The following LRBA variants were observed in gnomAD, a reference collection of about 807,000 sequenced individuals.
The protein encoded by LRBA is lipopolysaccharide-responsive and beige-like anchor protein.
A neutral mutation model predicts 330.0 loss-of-function variants in LRBA; 176 were observed. That is an observed-to-expected ratio of 0.53 (90% CI 0.47 to 0.60). The LOEUF is 0.60. Among genes scored for constraint, LRBA ranks in the 20% least tolerant of loss-of-function variants. The pLI is 0.00. For synonymous variants in LRBA, 1,230 were observed against 1,193.0 expected (o/e 1.03, Z -0.64); for missense variants, 3,259 against 3,444.8 (o/e 0.95, Z 1.35).
intron 2 of LRBA, among the ~76,000 whole-genome samples, chr4:150,976,474 T>C (rs942475065): frequency 1.3e-5 from 2 of 152,192 alleles, no homozygotes; most frequent in Admixed American, 1.3e-4. Flanking sequence ...ACAGATATAT[T>C]AACGTATAAA....
rs571232758 is a variant in LRBA, at chr4:150,804,747, A to C, written c.5518+1524T>G. 9.2e-5 allele frequency among the ~76,000 whole-genome samples: 14 copies of C among 152,260 alleles called. No individual in the cohort carries two copies. The East Asian group carries it at 2.7e-3, about 29-fold the overall frequency. ...GCCAGATTTAGCAACCACCTAATCCAAGCACTTTTGAATGCAAAAATTAAT... is the reference window on the plus strand; with the variant it reads ...GCCAGATTTAGCAACCACCTAATCCCAGCACTTTTGAATGCAAAAATTAAT... On this transcript the variant is annotated intron_variant, in intron 33 of 56. Coordinates refer to ENST00000651943, the MANE Select transcript of LRBA (RefSeq NM_001364905.1).
intron 49 of LRBA, among the ~76,000 whole-genome samples, chr4:150,325,177 C>G (rs75815761): frequency 0.033 from 4,989 of 152,120 alleles, 189 homozygotes; most frequent in African/African-American, 0.085. Context: ...GGATGAAAGG[C>G]CACATGGAAA....
At chr4:150,280,242 G>A (rs760966954) in intron 55 of LRBA, among the ~76,000 whole-genome samples, 4 of 152,168 alleles carry the variant, frequency 2.6e-5, no homozygotes, top group Non-Finnish European at 5.9e-5. Flanking sequence ...CCGCATCCAG[G>A]TTGGGTTGTG....
intron 2 of LRBA, among the ~76,000 whole-genome samples, chr4:150,988,870 C>T (rs765692232): frequency 7.9e-5 from 12 of 151,990 alleles, no homozygotes; most frequent in Non-Finnish European, 1.3e-4. Flanking sequence ...AACCACCGTG[C>T]CCAGCCATCA....
At chr4:150,861,383 C>A (rs1751921658) in intron 22 of LRBA, among the ~76,000 whole-genome samples, 1 of 152,032 alleles carries the variant, frequency 6.6e-6, no homozygotes, top group African/African-American at 2.4e-5. Flanking sequence ...GACTTGGCCT[C>A]CCAAAGTGCT....
At chr4:150,868,011 G>T in intron 21 of LRBA, 148 bp from the exon 22 acceptor site, 2 of 891,418 alleles carry the variant, frequency 2.2e-6, no homozygotes, top group Non-Finnish European at 3.3e-6. Flanking sequence ...ATTCGACAAT[G>T]TGGTACTAAA....
intron 36 of LRBA, among the ~76,000 whole-genome samples, chr4:150,697,519 T>C (rs1307621532): frequency 6.6e-6 from 1 of 151,960 alleles, no homozygotes; most frequent in East Asian, 1.9e-4. Flanking sequence ...AGACATGTAA[T>C]AAAGAGCCTT....
At chr4:150,916,236 T>A (rs1322800669) in intron 7 of LRBA, among the ~76,000 whole-genome samples, 165 bp downstream of exon 7, 1 of 152,194 alleles carries the variant, frequency 6.6e-6, no homozygotes, top group African/African-American at 2.4e-5. Flanking sequence ...CTTTTTCATA[T>A]CCAAATCAGA....
intron 2 of LRBA, among the ~76,000 whole-genome samples, chr4:150,964,565 G>A (rs1243614959): frequency 1.3e-5 from 2 of 151,196 alleles, no homozygotes; most frequent in Non-Finnish European, 2.9e-5. Context: ...TGTCCACTAA[G>A]GGTTAAATGG....
At chr4:150,378,372 C>T (rs1484861555) in intron 47 of LRBA, among the ~76,000 whole-genome samples, 1 of 152,140 alleles carries the variant, frequency 6.6e-6, no homozygotes, top group Non-Finnish European at 1.5e-5. Flanking sequence ...TCATTCACAG[C>T]CTCTATTTCT....
intron 52 of LRBA, among the ~76,000 whole-genome samples, chr4:150,304,216 G>T (rs1204107913): frequency 6.6e-6 from 1 of 151,988 alleles, no homozygotes; most frequent in African/African-American, 2.4e-5. Context: ...CTTCTTAAAA[G>T]GTTAAGGTCC....
chr4:150,476,835 A>G (rs909034112), intron 42 of LRBA, among the ~76,000 whole-genome samples: 1 of 152,126 alleles, frequency 6.6e-6, no homozygotes. Context: ...CTTGTACTGT[A>G]AGAGCTCCTG....
intron 40 of LRBA, among the ~76,000 whole-genome samples, chr4:150,558,282 G>T (rs1767594579): frequency 6.6e-6 from 1 of 152,140 alleles, no homozygotes; most frequent in African/African-American, 2.4e-5. Context: ...CTTTTGGGGG[G>T]AGTATCTACA....
chr4:150,918,566 T>C (rs905555626), intron 5 of LRBA, among the ~76,000 whole-genome samples: 1 of 152,136 alleles, frequency 6.6e-6, no homozygotes. Context: ...CTGGCCAACA[T>C]GGTGAAACCC....
chr4:150,810,737 GA>G (rs762475570), intron 31 of LRBA, among the ~76,000 whole-genome samples: 2 of 152,124 alleles, frequency 1.3e-5, no homozygotes, highest in Non-Finnish European at 2.9e-5. Flanking sequence ...AAGTAGCTGG[GA>G]ATATAGGTGG....
rs145058449 is a variant in LRBA at position 150,662,108 on chromosome 4, C to G, written c.5921+21443G>C. Among the ~76,000 whole-genome samples, 464 of 152,170 alleles carry G rather than the reference C, an allele frequency of 3.0e-3. 3 individuals are homozygous for G. The highest frequency in any genetic ancestry group is 0.011 in the African/African-American group (444 of 41,516). On this transcript the variant is annotated intron_variant, in intron 37 of 56. Transcript: ENST00000651943. ...AAGTGTCTAAAATACACTTTAAAGT[C>G]TGAAAGAGATTAAGTGGAAAGTAAA... is the stretch of plus-strand genomic sequence containing the variant.
chr4:150,831,016 C>T (rs1294219923), intron 29 of LRBA, among the ~76,000 whole-genome samples: 15 of 151,912 alleles, frequency 9.9e-5, no homozygotes, highest in Admixed American at 9.8e-4. Context: ...CCAGCTGCCT[C>T]GGCTTCCCAA....
intron 9 of LRBA, among the ~76,000 whole-genome samples, chr4:150,911,279 C>T (rs767955572): frequency 3.9e-4 from 59 of 152,122 alleles, no homozygotes; most frequent in Non-Finnish European, 2.6e-4. Context: ...AGAGGAAAAA[C>T]TGTCAGTTTT....
In LRBA at chr4:150,929,016, C is replaced by A; in HGVS notation, c.266G>T (p.Gly89Val). The A allele has an allele frequency of 6.2e-7, 1 of 1,613,624 alleles. No homozygotes were observed. Among genetic ancestry groups the A allele is most frequent in the Admixed American group, 1.7e-5 (1 of 59,978 alleles). ...DLEMNFIIQE[G>V]ESINCMVDLL... ...GTCCACCATGCAGTTAATACTCTCA[C>A]CTTCTTGGATAATGAAATTCATTTC... The change falls in exon 3 of 57, where the codon GGT becomes GTT. Residue 89 changes from glycine (G) to valine (V), a missense_variant. Transcript: ENST00000651943.
Sources: allele counts gnomAD v4.1 joint callset (sites outside exome capture counted in the v4.1 genomes callset), GRCh38; gene constraint gnomAD v4.1.1; transcripts MANE v1.5; gene names NCBI Gene and HGNC (gene_info 2026-07-23, HGNC 2026-07-21).